PHTF2: variants seen among roughly 807,000 people sequenced by gnomAD.
PHTF2 encodes the protein putative homeodomain transcription factor 2, also known as protein PHTF2.
A neutral mutation model predicts 101.2 loss-of-function variants in PHTF2; 60 were observed. The ratio of observed to expected loss-of-function variants is 0.59; its 90% CI spans 0.48 to 0.73. The LOEUF (loss-of-function observed/expected upper bound fraction) is 0.73. Ranked by LOEUF, PHTF2 falls within the 30% of genes least tolerant of loss-of-function variation. The probability of loss-of-function intolerance (pLI) is 0.00; values close to 1 mark genes in which losing one functional copy is unlikely to be tolerated. For synonymous variants in PHTF2, 311 were observed against 307.3 expected (o/e 1.01, Z -0.13); for missense variants, 747 against 908.7 (o/e 0.82, Z 2.29).
intron 2 of PHTF2, among the ~76,000 whole-genome samples, chr7:77,846,136 C>A (rs780600187): frequency 9.2e-5 from 14 of 152,166 alleles, no homozygotes; most frequent in Non-Finnish European, 1.9e-4. Flanking sequence ...CAAAATTATT[C>A]CTGACCTTTT....
intron 16 of PHTF2, among the ~76,000 whole-genome samples, chr7:77,944,790 A>G (rs1261255231): frequency 6.6e-6 from 1 of 152,256 alleles, no homozygotes; most frequent in Non-Finnish European, 1.5e-5. Context: ...AGAACAGATA[A>G]GTTTGAAAAA....
At chr7:77,945,941 AG>A (rs1806016259) in intron 16 of PHTF2, among the ~76,000 whole-genome samples, 2 of 152,322 alleles carry the variant, frequency 1.3e-5, no homozygotes, top group Non-Finnish European at 2.9e-5. Context: ...TCTAGTCAAT[AG>A]GAAAAGGGGA....
At chr7:77,864,484 G>GT (rs1215575551) in intron 3 of PHTF2, among the ~76,000 whole-genome samples, 1 of 152,122 alleles carries the variant, frequency 6.6e-6, no homozygotes, top group Non-Finnish European at 1.5e-5. Context: ...AGTTAGCTTT[G>GT]TAGCCTCATT....
At chr7:77,840,664 A>G (rs971630482) in intron 2 of PHTF2, among the ~76,000 whole-genome samples, 12 of 152,074 alleles carry the variant, frequency 7.9e-5, no homozygotes, top group African/African-American at 2.9e-4. Context: ...CTTGTAAGTT[A>G]CAATTCAATA....
rs191121686 is a variant in PHTF2 at position 77,849,099 on chromosome 7, T to C, written c.46-5634T>C. 4.6e-3 allele frequency among the ~76,000 whole-genome samples: 702 copies of C among 152,038 alleles called. 3 individuals carry two copies. The highest frequency in any genetic ancestry group is 6.2e-3 in the Non-Finnish European group (421 of 67,962). On this transcript the variant is annotated intron_variant, in intron 2 of 19. Coordinates refer to ENST00000416283, the Ensembl canonical transcript of PHTF2. ...CTGATCTTCATGTCTGTTTTTATGC[T>C]AGTACCATGCTGGAGTTTTTTTTGT...
In PHTF2 at chr7:77,928,216, A is replaced by G. The variant is rs60243836; in HGVS notation, c.1120-893A>G. ...AAAAAAAAATTGAAGATACCTGGCC[A>G]TAAGGATGACTATGACCATGATTTA... is the stretch of plus-strand genomic sequence containing the variant. On this transcript the variant is annotated intron_variant, in intron 11 of 19. Transcript: ENST00000416283. Among the ~76,000 whole-genome samples the G allele has an allele frequency of 9.6e-3, 1,468 of 152,264 alleles. 16 individuals are homozygous for G. The highest frequency in any genetic ancestry group is 0.033 in the South Asian group (160 of 4,822).
At chr7:77,890,423 C>G (rs1800284797) in intron 3 of PHTF2, among the ~76,000 whole-genome samples, 1 of 152,144 alleles carries the variant, frequency 6.6e-6, no homozygotes, top group Admixed American at 6.6e-5. Context: ...TCTACACATT[C>G]ACTTTCTTGA....
At chr7:77,907,045 A>G (rs1395799423) in intron 7 of PHTF2, among the ~76,000 whole-genome samples, 1 of 152,018 alleles carries the variant, frequency 6.6e-6, no homozygotes, top group Non-Finnish European at 1.5e-5. Context: ...AACCTATTAT[A>G]GTGCCTATGT....
At chr7:77,938,810 A>G (rs1805388170) in intron 13 of PHTF2, among the ~76,000 whole-genome samples, 1 of 152,092 alleles carries the variant, frequency 6.6e-6, no homozygotes, top group Non-Finnish European at 1.5e-5. Context: ...AATAAAATAA[A>G]ATGTGTTGAT....
At chr7:77,802,815 G>A (rs1486884916) in intron 1 of PHTF2, among the ~76,000 whole-genome samples, 1 of 152,184 alleles carries the variant, frequency 6.6e-6, no homozygotes, top group East Asian at 1.9e-4. Context: ...ACAGATATAA[G>A]CCACCACTCC....
intron 7 of PHTF2, among the ~76,000 whole-genome samples, chr7:77,903,800 C>G (rs1446501107): frequency 2.0e-5 from 3 of 152,216 alleles, no homozygotes; most frequent in African/African-American, 7.2e-5. Context: ...ATGTCTGTCT[C>G]CATTGCAGCA....
At chr7:77,954,612 G>GTGTGTGTATATATATA (rs1426693429) in intron 19 of PHTF2, among the ~76,000 whole-genome samples, 12 of 90,196 alleles carry the variant, frequency 1.3e-4, no homozygotes, top group African/African-American at 2.8e-4. Context: ...CAAGTACTGT[G>GTGTGTGTATATATATA]TATATATATA....
chr7:77,937,877 G>A, intron 13 of PHTF2, 39 bp downstream of exon 12: 1 of 1,121,350 alleles, frequency 8.9e-7, no homozygotes, highest in Non-Finnish European at 1.2e-6. Context: ...TCAAGGGTAA[G>A]ACTTAGTAAT....
At chr7:77,901,130 A>G (rs1801345100) in intron 6 of PHTF2, among the ~76,000 whole-genome samples, 1 of 152,224 alleles carries the variant, frequency 6.6e-6, no homozygotes, top group Non-Finnish European at 1.5e-5. Context: ...TCTCAAGGAC[A>G]GCCTCAAGCC....
chr7:77,936,405 C>T (rs985356145), intron 12 of PHTF2, among the ~76,000 whole-genome samples: 4 of 151,942 alleles, frequency 2.6e-5, no homozygotes, highest in Non-Finnish European at 2.9e-5. Flanking sequence ...GGCCAGACAC[C>T]GTGGCTCACG....
intron 18 of PHTF2, among the ~76,000 whole-genome samples, chr7:77,952,127 TA>T (rs1806601111): frequency 6.6e-6 from 1 of 152,106 alleles, no homozygotes; most frequent in South Asian, 2.1e-4. Flanking sequence ...ATATGTGTCA[TA>T]AATAAACATT....
chr7:77,942,800 C>T lies in PHTF2; in HGVS notation c.1959+14C>T. On this transcript the variant is annotated intron_variant, in intron 16 of 19. Coordinates refer to ENST00000416283, the Ensembl canonical transcript of PHTF2. ...TGTTGTGCCCAGGTGAGTTAACTCG[C>T]TCCATGTAGAAATTAACCAGATATA... 7.5e-7 allele frequency: 1 copy of T among 1,341,238 alleles called. No individual in the cohort carries two copies. The highest frequency in any genetic ancestry group is 1.0e-6 in the Non-Finnish European group (1 of 958,018). 83.1% of individuals were successfully genotyped at this position (1,341,238 alleles called of 1,614,324 possible).
intron 16 of PHTF2, among the ~76,000 whole-genome samples, chr7:77,949,130 T>C (rs1806323039): frequency 6.6e-6 from 1 of 152,126 alleles, no homozygotes; most frequent in Admixed American, 6.5e-5. Context: ...ATGAATAAAT[T>C]TAGAGCTAAA....
chr7:77,862,343 G>C (rs1414540780), intron 3 of PHTF2, among the ~76,000 whole-genome samples: 2 of 152,028 alleles, frequency 1.3e-5, no homozygotes, highest in Non-Finnish European at 2.9e-5. Context: ...TTTCATAATA[G>C]AATGTTTTTG....
Sources: allele counts gnomAD v4.1 joint callset (sites outside exome capture counted in the v4.1 genomes callset), GRCh38; gene constraint gnomAD v4.1.1; transcripts MANE v1.5; gene names NCBI Gene and HGNC (gene_info 2026-07-23, HGNC 2026-07-21).